Variants in TANC2 observed in about 807,000 individuals in gnomAD.
The protein encoded by TANC2 is tetratricopeptide repeat, ankyrin repeat and coiled-coil containing 2.
Under a neutral mutation model 210.5 loss-of-function variants are expected in TANC2, and 26 were observed. The observed-to-expected ratio is 0.12, with a 90% CI of 0.09 to 0.17. The LOEUF (loss-of-function observed/expected upper bound fraction) is 0.17. Among genes scored for constraint, TANC2 ranks in the 10% least tolerant of loss-of-function variants. The pLI is 1.00. For missense variants in TANC2, 2,129 were observed against 2,608.9 expected (o/e 0.82, Z 4.01); for synonymous variants, 931 against 967.1 (o/e 0.96, Z 0.69).
intron 9 of TANC2, among the ~76,000 whole-genome samples, chr17:63,273,918 A>G (rs1212151870): frequency 6.6e-6 from 1 of 152,248 alleles, no homozygotes; most frequent in African/African-American, 2.4e-5. Context: ...GATTTTGCAG[A>G]TCACACTTTT....
At chr17:63,191,846 A>G (rs2041196750) in intron 5 of TANC2, among the ~76,000 whole-genome samples, 1 of 152,166 alleles carries the variant, frequency 6.6e-6, no homozygotes, top group Non-Finnish European at 1.5e-5. Context: ...GAGGTTACTG[A>G]CAGTTAAGTC....
intron 4 of TANC2, among the ~76,000 whole-genome samples, chr17:63,133,424 C>T (rs753959350): frequency 1.3e-5 from 2 of 151,982 alleles, no homozygotes; most frequent in East Asian, 1.9e-4. Context: ...TTACTTCCCA[C>T]GTTGATTGAC....
intron 5 of TANC2, among the ~76,000 whole-genome samples, chr17:63,165,222 T>G (rs542947266): frequency 6.6e-6 from 1 of 151,980 alleles, no homozygotes; most frequent in Non-Finnish European, 1.5e-5. Context: ...TGCAGTGAGC[T>G]ATGGTAGCAC....
chr17:63,355,663 A>G (rs1354533178), intron 14 of TANC2, among the ~76,000 whole-genome samples: 1 of 152,216 alleles, frequency 6.6e-6, no homozygotes, highest in Non-Finnish European at 1.5e-5. Context: ...CACAGGGTTC[A>G]CAGGCTATAA....
chr17:63,371,187 A>G (rs756417490), intron 14 of TANC2, among the ~76,000 whole-genome samples: 14 of 152,152 alleles, frequency 9.2e-5, no homozygotes, highest in Non-Finnish European at 1.6e-4. Context: ...GCACCTGGCC[A>G]GGTACGGTGG....
intron 4 of TANC2, among the ~76,000 whole-genome samples, chr17:63,130,227 T>C (rs1256060872): frequency 6.6e-6 from 1 of 152,148 alleles, no homozygotes; most frequent in Non-Finnish European, 1.5e-5. Context: ...ACAATTTACT[T>C]GGCCGGCTCA....
intron 14 of TANC2, among the ~76,000 whole-genome samples, chr17:63,362,549 G>A (rs1248233104): frequency 1.3e-5 from 2 of 152,142 alleles, no homozygotes. Flanking sequence ...GGCACCTGCA[G>A]GCCTGCACCA....
chr17:63,404,025 ATAT>A (rs1402528864), intron 19 of TANC2, among the ~76,000 whole-genome samples: 2 of 152,204 alleles, frequency 1.3e-5, no homozygotes, highest in Non-Finnish European at 2.9e-5. Context: ...TGCCTGCCAA[ATAT>A]TATCATTTTC....
At chr17:63,009,304 G>A (rs1211350673) in intron 1 of TANC2, among the ~76,000 whole-genome samples, 4 of 151,584 alleles carry the variant, frequency 2.6e-5, no homozygotes, top group African/African-American at 4.9e-5. Context: ...TACATAGTAG[G>A]TGTATATATT....
At chr17:63,114,298 G>A (rs2038168392) in intron 4 of TANC2, among the ~76,000 whole-genome samples, 1 of 152,008 alleles carries the variant, frequency 6.6e-6, no homozygotes, top group Non-Finnish European at 1.5e-5. Context: ...TATCATTCAC[G>A]ACATTCATTA....
rs983883481 is a variant in TANC2, at chr17:63,412,322, T to G, written c.3898+192T>G. On this transcript the variant is annotated intron_variant, in intron 23 of 27. Transcript: ENST00000689528. The surrounding 1 kb of genome is among the most constrained non-coding windows in gnomAD (Gnocchi z 4.2). ...CTGAGCCATGGTCTGCAGTCCCCTG[T>G]GTCCAGAACCACGTGGTTCTCTACC... Among the ~76,000 whole-genome samples, 1 of 152,220 alleles carries G rather than the reference T, an allele frequency of 6.6e-6. No homozygotes were observed. The highest frequency in any genetic ancestry group is 2.4e-5 in the African/African-American group (1 of 41,452).
chr17:63,118,695 G>A (rs2145106024), intron 4 of TANC2, among the ~76,000 whole-genome samples: 1 of 151,928 alleles, frequency 6.6e-6, no homozygotes, highest in Admixed American at 6.6e-5. Flanking sequence ...CTGCAGCCTC[G>A]ACCTCCCAGG....
At chr17:63,302,076 G>C (rs1395364056) in intron 9 of TANC2, among the ~76,000 whole-genome samples, 1 of 152,194 alleles carries the variant, frequency 6.6e-6, no homozygotes, top group Non-Finnish European at 1.5e-5. Context: ...ATTTCCTGTA[G>C]TTGTTTGGTT....
intron 9 of TANC2, among the ~76,000 whole-genome samples, chr17:63,312,994 CAT>C (rs934890057): frequency 9.2e-5 from 14 of 152,276 alleles, no homozygotes; most frequent in African/African-American, 1.4e-4. Flanking sequence ...AGAGTGCACA[CAT>C]GTATGTGTGC....
intron 8 of TANC2, among the ~76,000 whole-genome samples, chr17:63,238,664 A>C (rs1048745366): frequency 2.6e-5 from 4 of 152,194 alleles, no homozygotes; most frequent in African/African-American, 9.7e-5. Flanking sequence ...GTTAAAAAAA[A>C]TTGTATTAGT....
intron 2 of TANC2, among the ~76,000 whole-genome samples, chr17:63,024,102 A>T (rs2144042702): frequency 6.6e-6 from 1 of 152,296 alleles, no homozygotes; most frequent in East Asian, 1.9e-4. Flanking sequence ...TTATTCCTTG[A>T]AAGTTTAATA....
At chr17:63,417,179 C>T (rs1249069814) in intron 26 of TANC2, among the ~76,000 whole-genome samples, 1 of 152,178 alleles carries the variant, frequency 6.6e-6, no homozygotes, top group African/African-American at 2.4e-5. Context: ...CTGTGCCAAA[C>T]ACCAGACGTC....
At chr17:63,401,118 C>T (rs1206480383) in intron 19 of TANC2, among the ~76,000 whole-genome samples, 2 of 152,174 alleles carry the variant, frequency 1.3e-5, no homozygotes, top group East Asian at 3.8e-4. Flanking sequence ...ATGTGCCTTT[C>T]TAACTTATAG....
intron 1 of TANC2, among the ~76,000 whole-genome samples, chr17:62,970,706 C>T (rs1359616936): frequency 6.6e-6 from 1 of 152,158 alleles, no homozygotes; most frequent in Non-Finnish European, 1.5e-5. Flanking sequence ...CTTCCTTTTA[C>T]AGTAGAATTA....
Sources: gnomAD v4.1 joint callset for allele counts (sites outside exome capture counted in the v4.1 genomes callset) on GRCh38, gnomAD v4.1.1 for gene constraint, Gnocchi (gnomAD v3.1) non-coding constraint, MANE v1.5 for transcripts, NCBI Gene and HGNC (gene_info 2026-07-23, HGNC 2026-07-21) for gene names.